The following SCAND3 variants were observed in gnomAD, a reference collection of about 807,000 sequenced individuals.
SCAND3 encodes the protein SCAN domain-containing protein 3.
At chr6:28,592,861 A>C in the SCAND3 span, among the ~76,000 whole-genome samples, 1 of 152,226 alleles carries the variant, frequency 6.6e-6, no homozygotes, top group African/African-American at 2.4e-5. The surrounding 1 kb of genome is among the most constrained non-coding windows in gnomAD (Gnocchi z 4.1). Flanking sequence ...GGTTATCCAC[A>C]TGAAGAAGAA....
chr6:28,585,841 A>G, the SCAND3 span, among the ~76,000 whole-genome samples: 1 of 152,188 alleles, frequency 6.6e-6, no homozygotes, highest in Non-Finnish European at 1.5e-5. Flanking sequence ...AACATTTTAC[A>G]TACCAACTCT....
the SCAND3 span, chr6:28,573,299 CCTT>C: frequency 6.2e-7 from 1 of 1,614,074 alleles, no homozygotes; most frequent in Non-Finnish European, 8.5e-7. Flanking sequence ...ACCTGAGCTA[CCTT>C]CTTTGCTGCA....
the SCAND3 span, among the ~76,000 whole-genome samples, chr6:28,607,205 G>A: frequency 7.9e-5 from 12 of 152,138 alleles, no homozygotes; most frequent in African/African-American, 2.2e-4. Flanking sequence ...ACGAGGTCCC[G>A]GGTTCAATCC....
chr6:28,576,863 G>A, the SCAND3 span, among the ~76,000 whole-genome samples: 1 of 150,752 alleles, frequency 6.6e-6, no homozygotes, highest in African/African-American at 2.4e-5. Context: ...ACCTGCCTTG[G>A]CCTCCTAAAA....
At chr6:28,586,723 G>T in the SCAND3 span, 1 of 1,607,458 alleles carries the variant, frequency 6.2e-7, no homozygotes, top group Admixed American at 1.7e-5. The surrounding 1 kb of genome is among the most constrained non-coding windows in gnomAD (Gnocchi z 4.4). Context: ...TCCATCCCGA[G>T]CTTAGACAGC....
chr6:28,585,742 CAAA>C, the SCAND3 span, among the ~76,000 whole-genome samples: 1 of 152,134 alleles, frequency 6.6e-6, no homozygotes, highest in African/African-American at 2.4e-5. Flanking sequence ...AAATTACTGT[CAAA>C]GAAGGCAAAT....
At chr6:28,590,792 AACTAAGTTT>A in the SCAND3 span, 2 of 152,248 alleles carry the variant, frequency 1.3e-5, no homozygotes, top group Non-Finnish European at 2.9e-5. Flanking sequence ...GAGACTCTGT[AACTAAGTTT>A]ACAAAATTCA....
chr6:28,597,404 C>T, the SCAND3 span, among the ~76,000 whole-genome samples: 3 of 152,198 alleles, frequency 2.0e-5, no homozygotes, highest in Admixed American at 6.5e-5. Context: ...ATCGCCTTAA[C>T]CACTCGGCCA....
the SCAND3 span, among the ~76,000 whole-genome samples, chr6:28,583,157 C>T: frequency 6.6e-6 from 1 of 151,802 alleles, no homozygotes; most frequent in African/African-American, 2.4e-5. Flanking sequence ...CTTTGGGAGG[C>T]CGAGGTGGGC....
At chr6:28,579,358 G>T in the SCAND3 span, 1 of 1,613,880 alleles carries the variant, frequency 6.2e-7, no homozygotes, top group South Asian at 1.1e-5. This position sits in a 1 kb window ranked among gnomAD's most constrained non-coding sequence, Gnocchi z 4.5. Context: ...AGACTCCTTT[G>T]CAGAATCCAG....
chr6:28,578,144 T>C, the SCAND3 span, among the ~76,000 whole-genome samples: 8 of 152,218 alleles, frequency 5.3e-5, no homozygotes, highest in African/African-American at 1.9e-4. Context: ...AGTAATGAAC[T>C]ACTAAATTTA....
chr6:28,574,930 C>CT, the SCAND3 span: 4 of 1,613,792 alleles, frequency 2.5e-6, no homozygotes, highest in African/African-American at 1.3e-5. Context: ...CTCAGGAGGG[C>CT]TTTTTTCAGC....
At chr6:28,571,207 G>A in the SCAND3 span, 1 of 152,120 alleles carries the variant, frequency 6.6e-6, no homozygotes, top group Non-Finnish European at 1.5e-5. Flanking sequence ...TCAGTTACTC[G>A]GAAGACTGAG....
chr6:28,598,746 G>A, the SCAND3 span, among the ~76,000 whole-genome samples: 2 of 149,666 alleles, frequency 1.3e-5, no homozygotes, highest in Non-Finnish European at 3.0e-5. Context: ...GTGCGGCGGC[G>A]CGCACTTGTA....
the SCAND3 span, among the ~76,000 whole-genome samples, chr6:28,601,431 T>C: frequency 6.6e-6 from 1 of 152,210 alleles, no homozygotes; most frequent in Non-Finnish European, 1.5e-5. Context: ...AAAGCTTTAA[T>C]AAACAAAACT....
the SCAND3 span, among the ~76,000 whole-genome samples, chr6:28,611,067 T>C: frequency 9.2e-5 from 14 of 152,232 alleles, no homozygotes; most frequent in Non-Finnish European, 1.8e-4. Context: ...TGTATTCCTA[T>C]AGTACAGCCA....
the SCAND3 span, chr6:28,590,474 T>G: frequency 6.6e-6 from 1 of 152,206 alleles, no homozygotes; most frequent in Non-Finnish European, 1.5e-5. Context: ...AAATTCCTTA[T>G]AGACACTAAT....
At chr6:28,611,379 G>A in the SCAND3 span, among the ~76,000 whole-genome samples, 6 of 152,104 alleles carry the variant, frequency 3.9e-5, no homozygotes, top group African/African-American at 7.2e-5. Flanking sequence ...CTCTTCCACC[G>A]TCCAGGTGGC....
chr6:28,586,563 C>T, the SCAND3 span: 4 of 1,614,206 alleles, frequency 2.5e-6, no homozygotes, highest in East Asian at 6.7e-5. This position sits in a 1 kb window ranked among gnomAD's most constrained non-coding sequence, Gnocchi z 4.4. Flanking sequence ...GAAGCGCTGA[C>T]GAGAGAGTTC....
Sources: allele counts gnomAD v4.1 joint callset (sites outside exome capture counted in the v4.1 genomes callset), GRCh38; gene constraint gnomAD v4.1.1; non-coding constraint Gnocchi (gnomAD v3.1); transcripts MANE v1.5; gene names NCBI Gene and HGNC (gene_info 2026-07-23, HGNC 2026-07-21).